The following SCN3A variants were observed in gnomAD, a reference collection of about 807,000 sequenced individuals.
The protein encoded by SCN3A is sodium channel protein type 3 subunit alpha.
Under a neutral mutation model 187.6 loss-of-function variants are expected in SCN3A, and 60 were observed. That is an observed-to-expected ratio of 0.32 (90% CI 0.26 to 0.40). The LOEUF (loss-of-function observed/expected upper bound fraction) is 0.40. Among genes scored for constraint, SCN3A ranks in the 10% least tolerant of loss-of-function variants. The pLI, the probability that SCN3A is intolerant of heterozygous loss-of-function variation, is 1.00. For missense variants in SCN3A, 1,601 were observed against 2,428.2 expected (o/e 0.66, Z 7.16); for synonymous variants, 788 against 829.2 (o/e 0.95, Z 0.85).
At chr2:165,155,399 C>G (rs532380392) in intron 10 of SCN3A, among the ~76,000 whole-genome samples, 2 of 151,960 alleles carry the variant, frequency 1.3e-5, no homozygotes, top group East Asian at 3.9e-4. Context: ...ATTCCCTTTC[C>G]CTTTCCCTTT....
At chr2:165,160,440 G>A (rs1689292179) in intron 9 of SCN3A, among the ~76,000 whole-genome samples, 1 of 152,166 alleles carries the variant, frequency 6.6e-6, no homozygotes, top group Non-Finnish European at 1.5e-5. Context: ...GCTGGGGACT[G>A]TTGATGTAAA....
Position 165,112,900 on chromosome 2 carries a change from A to T in SCN3A, c.3828T>A (p.Asp1276Glu). The T allele has an allele frequency of 6.2e-7, 1 of 1,613,394 alleles. No individual in the cohort carries two copies. The highest frequency in any genetic ancestry group is 1.7e-5 in the Admixed American group (1 of 60,000). The change falls in exon 21 of 28, where the codon GAT becomes GAA. Residue 1276 changes from aspartate (D) to glutamate (E), a missense_variant. Asp to Glu is a conservative substitution (Grantham distance 45, BLOSUM62 2). Around this residue, in one of 11 missense-constraint regions of SCN3A, gnomAD observed 320 missense variants for 623.2 expected, o/e 0.51. Coordinates refer to ENST00000283254, the MANE Select transcript of SCN3A (RefSeq NM_006922.4). ...AAATACTTACATCAACGATCAAGAA[A>T]TCTAGCCAGCACCAGGCATTAGTGA... is the stretch of plus-strand genomic sequence containing the variant. Reference protein sequence around the residue: ...TYFTNAWCWLDFLIVDVSLVS... With the variant: ...TYFTNAWCWLEFLIVDVSLVS...
intron 1 of SCN3A, among the ~76,000 whole-genome samples, chr2:165,196,458 A>G (rs1691964896): frequency 6.6e-6 from 1 of 152,142 alleles, no homozygotes; most frequent in Admixed American, 6.6e-5. Flanking sequence ...ATAGTTAAAT[A>G]CTAATACTAA....
intron 1 of SCN3A, among the ~76,000 whole-genome samples, chr2:165,197,906 A>G (rs921363980): frequency 5.3e-5 from 8 of 152,006 alleles, no homozygotes; most frequent in Admixed American, 1.3e-4. Context: ...TTAAGGAAGG[A>G]TTTATTTTAA....
Position 165,162,567 on chromosome 2 carries a change from A to T in SCN3A, c.956T>A (p.Ile319Asn). Residue 319 changes from isoleucine to asparagine, a missense_variant, in exon 8 of 28, where the codon ATT becomes AAT. Ile to Asn is a moderately radical substitution (Grantham distance 149). This residue lies in a region of SCN3A where 104 missense variants were observed against 102.7 expected (regional missense o/e 1.01). Coordinates refer to ENST00000283254, the MANE Select transcript of SCN3A (RefSeq NM_006922.4). ...GTAATACTTCTTACTGTCATCTCCA[A>T]TGTAATCCTTCCAGTTAAATGTGCT... ...TMSTFNWKDY[I>N]GDDSHFYVLD... 1 of 1,614,098 alleles carries T rather than the reference A, an allele frequency of 6.2e-7. No individual in the cohort carries two copies. Among genetic ancestry groups the T allele is most frequent in the Non-Finnish European group, 8.5e-7 (1 of 1,179,998 alleles).
In SCN3A at chr2:165,176,263, A is replaced by G; in HGVS notation, c.132T>C (p.Asp44=). 6.2e-7 allele frequency: 1 copy of G among 1,612,196 alleles called. No individual in the cohort carries two copies. Among genetic ancestry groups the G allele is most frequent in the South Asian group, 1.1e-5 (1 of 90,988 alleles). The part of the protein sequence containing the change: ...AKKPKKEQDN[D]DENKPKPNSD... ...TATTTGGCTTTGGTTTGTTCTCATCATCATTATCTTGTTCCTTTTTGGGCT... is the reference window on the plus strand; with the variant it reads ...TATTTGGCTTTGGTTTGTTCTCATCGTCATTATCTTGTTCCTTTTTGGGCT... Residue 44 remains aspartate (D), a synonymous_variant, in exon 3 of 28, where the codon GAT becomes GAC. Coordinates refer to ENST00000283254, the MANE Select transcript of SCN3A (RefSeq NM_006922.4).
rs775682057 is a variant in SCN3A, at chr2:165,127,788, C to T, written c.3236G>A (p.Ser1079Asn). Residue 1079 changes from serine to asparagine, a missense_variant, in exon 18 of 28, where the codon AGT (serine) becomes AAT (asparagine). By Grantham distance (46) the Ser-to-Asn change is conservative. Coordinates refer to ENST00000283254, the MANE Select transcript of SCN3A (RefSeq NM_006922.4). ...GTTSGVGTGS[S>N]VEKYVIDEND... ...TTCATCGATTACGTATTTTTCAACA[C>T]TGCTTCCAGTACCTACACCACTGGT... 3.1e-6 allele frequency: 5 copies of T among 1,614,180 alleles called. No individual in the cohort carries two copies. The highest frequency in any genetic ancestry group is 3.4e-6 in the Non-Finnish European group (4 of 1,180,030).
intron 11 of SCN3A, 136 bp downstream of exon 11, chr2:165,154,316 A>G: frequency 1.0e-6 from 1 of 969,554 alleles, no homozygotes; most frequent in Non-Finnish European, 1.5e-6. Flanking sequence ...TTCATATTTG[A>G]ATACTTTTTT....
intron 15 of SCN3A, among the ~76,000 whole-genome samples, chr2:165,136,102 C>T (rs1296810351): frequency 6.6e-6 from 1 of 152,164 alleles, no homozygotes; most frequent in Admixed American, 6.6e-5. Flanking sequence ...AGTGACTTTT[C>T]AAAACCACAC....
intron 1 of SCN3A, among the ~76,000 whole-genome samples, chr2:165,192,174 A>G (rs1045515800): frequency 6.6e-6 from 1 of 152,070 alleles, no homozygotes; most frequent in Non-Finnish European, 1.5e-5. Context: ...TTTATTAATT[A>G]TGTAGCCTTA....
At chr2:165,134,567 A>G (rs1448916091) in intron 15 of SCN3A, among the ~76,000 whole-genome samples, 1 of 152,174 alleles carries the variant, frequency 6.6e-6, no homozygotes, top group Non-Finnish European at 1.5e-5. Context: ...CCATTCACTC[A>G]AATAGAAATA....
At chr2:165,120,852 C>T (rs1189917456) in intron 18 of SCN3A, among the ~76,000 whole-genome samples, 1 of 151,196 alleles carries the variant, frequency 6.6e-6, no homozygotes, top group African/African-American at 2.4e-5. Context: ...ATATGAACCA[C>T]CACCATCTGG....
rs183374261 is a variant in SCN3A, at chr2:165,094,972, A to G, written c.4432-494T>C. 2.6e-4 allele frequency among the ~76,000 whole-genome samples: 40 copies of G among 152,300 alleles called. No individual in the cohort carries two copies. In the Middle Eastern group the frequency reaches 0.01, roughly 39 times the overall value. On this transcript the variant is annotated intron_variant, in intron 25 of 27. Transcript: ENST00000283254. ...AATTAAATGTACTGCAGAGGCAACA[A>G]TGAATTCAGAGACTCAGAGACAAGC...
At chr2:165,124,561 T>C (rs1686877753) in intron 18 of SCN3A, among the ~76,000 whole-genome samples, 1 of 152,196 alleles carries the variant, frequency 6.6e-6, no homozygotes. Context: ...CAGGTAATTA[T>C]AAAATCTGCA....
chr2:165,194,432 C>A (rs1691812077), intron 1 of SCN3A, among the ~76,000 whole-genome samples: 1 of 152,066 alleles, frequency 6.6e-6, no homozygotes, highest in South Asian at 2.1e-4. Context: ...GTCACTAAAC[C>A]TTATATAAAT....
intron 11 of SCN3A, among the ~76,000 whole-genome samples, chr2:165,151,903 G>A (rs190224626): frequency 1.4e-3 from 210 of 152,224 alleles, no homozygotes; most frequent in African/African-American, 4.6e-3. Flanking sequence ...CAAACACTTC[G>A]TTTTAAATGC....
chr2:165,094,274 A>G (rs1475778907), intron 26 of SCN3A, 100 bp downstream of exon 26: 1 of 872,524 alleles, frequency 1.1e-6, no homozygotes, highest in Non-Finnish European at 2.0e-6. Context: ...AGGGCTCAAT[A>G]TTGGTGATAT....
chr2:165,120,799 CTT>C (rs397869445), intron 18 of SCN3A, among the ~76,000 whole-genome samples: 25 of 135,288 alleles, frequency 1.8e-4, no homozygotes, highest in Admixed American at 4.5e-4. Flanking sequence ...GCCAGTAGCT[CTT>C]TTTTTTTTTT....
At chr2:165,160,143 A>G (rs1338696195) in intron 9 of SCN3A, among the ~76,000 whole-genome samples, 2 of 94,042 alleles carry the variant, frequency 2.1e-5, no homozygotes, top group African/African-American at 1.2e-4. Flanking sequence ...AAAAACAAAA[A>G]CAAAAACAAA....
Sources: gnomAD v4.1 joint callset for allele counts (sites outside exome capture counted in the v4.1 genomes callset) on GRCh38, gnomAD v4.1.1 for gene constraint, gnomAD v4.1.1 regional missense constraint, MANE v1.5 for transcripts, NCBI Gene and HGNC (gene_info 2026-07-23, HGNC 2026-07-21) for gene names.